The following NRIP2 variants were observed in gnomAD, a reference collection of about 807,000 sequenced individuals.
NRIP2 encodes the protein nuclear receptor-interacting protein 2.
NRIP2 carries 27 observed loss-of-function variants against 34.1 expected under a neutral mutation model. The observed-to-expected ratio is 0.79, with a 90% confidence interval of 0.58 to 1.09. The LOEUF (loss-of-function observed/expected upper bound fraction) is 1.09. NRIP2 is among the 50% of genes least tolerant of loss of function. The pLI is 0.00. For missense variants in NRIP2, 385 were observed against 352.6 expected (o/e 1.09, Z -0.74); for synonymous variants, 145 against 146.9 (o/e 0.99, Z 0.09).
intron 2 of NRIP2, among the ~76,000 whole-genome samples, chr12:2,829,118 C>T (rs368900046): frequency 1.3e-5 from 2 of 151,988 alleles, no homozygotes; most frequent in Admixed American, 6.5e-5. Context: ...AATGGAGAAA[C>T]GGTGATTTGT....
At chr12:2,834,610 G>T in intron 1 of NRIP2, 32 bp downstream of exon 1, 1 of 1,542,012 alleles carries the variant, frequency 6.5e-7, no homozygotes, top group Non-Finnish European at 8.7e-7. Context: ...AAAAGGCCAG[G>T]GGACGCTGGC....
At position 2,825,759 on chromosome 12, in the gene NRIP2, G is replaced by C. The variant is rs1376257826; in HGVS notation, c.*1448C>G. ...GTTAGCTGTACCACTGTCTTTCTCT[G>C]CTCCTTTTTTGTTTGTTTTTGGAGA... is the stretch of plus-strand genomic sequence containing the variant. On this transcript the variant is annotated 3_prime_UTR_variant, in exon 6 of 6. Transcript: ENST00000337508. 1 of 152,222 alleles carries C rather than the reference G, an allele frequency of 6.6e-6. No homozygotes were observed. The highest frequency in any genetic ancestry group is 1.9e-4 in the East Asian group (1 of 5,190). 9.4% of individuals were successfully genotyped at this position (152,222 alleles called of 1,614,324 possible).
rs199756500 is a variant in NRIP2 at position 2,828,035 on chromosome 12, C to T, written c.591G>A (p.Arg197=). Residue 197 remains arginine (R), a synonymous_variant, in exon 4 of 6, where the codon AGG becomes AGA. Transcript: ENST00000337508. ...GGTCCCCAGCTGAGGCTTTTAGGAC[C>T]CTTTTCTCTAACCTGTGGTTGGGAA... The part of the protein sequence containing the change: ...GCLSRLGLEK[R]VLKASAGDLA... 1.5e-5 allele frequency: 24 copies of T among 1,613,622 alleles called. No homozygotes were observed. The highest frequency in any genetic ancestry group is 1.9e-5 in the Non-Finnish European group (23 of 1,179,856).
Position 2,827,847 on chromosome 12 carries a change from G to A in NRIP2, c.700+79C>T, listed in dbSNP as rs4765998. The A allele has an allele frequency of 6.2e-7, 1 of 1,608,694 alleles. No homozygotes were observed. Among genetic ancestry groups the A allele is most frequent in the Non-Finnish European group, 8.5e-7 (1 of 1,178,250 alleles). On this transcript the variant is annotated intron_variant, in intron 4 of 5. Coordinates refer to ENST00000337508, the MANE Select transcript of NRIP2 (RefSeq NM_031474.3). This position sits in a 1 kb window ranked among gnomAD's most constrained non-coding sequence, Gnocchi z 4.0. Reference sequence around the variant, plus strand: ...CTGGGAACTCCTCGTGCTGCAGGGAGTGAAAGTCTCAGCCTTTGCCCCACC... The same window carrying A: ...CTGGGAACTCCTCGTGCTGCAGGGAATGAAAGTCTCAGCCTTTGCCCCACC...
At position 2,830,451 on chromosome 12, in the gene NRIP2, C is replaced by T. The variant is rs2097995641; in HGVS notation, c.495+257G>A. On this transcript the variant is annotated intron_variant, in intron 2 of 5. Coordinates refer to ENST00000337508, the MANE Select transcript of NRIP2 (RefSeq NM_031474.3). Reference sequence around the variant, plus strand: ...TCTGTGTAGAGCACACTGAGGAGTACTTACTTAATTTAAGTATTGTATTTT... The same window carrying T: ...TCTGTGTAGAGCACACTGAGGAGTATTTACTTAATTTAAGTATTGTATTTT... The T allele has an allele frequency of 1.7e-5, 7 of 414,410 alleles. 1 individual carries two copies. Among genetic ancestry groups the T allele is most frequent in the Non-Finnish European group, 2.6e-5 (6 of 232,832 alleles). 25.7% of individuals were successfully genotyped at this position (414,410 alleles called of 1,614,324 possible).
intron 1 of NRIP2, among the ~76,000 whole-genome samples, chr12:2,833,505 G>A (rs2098013475): frequency 6.6e-6 from 1 of 152,050 alleles, no homozygotes; most frequent in African/African-American, 2.4e-5. Flanking sequence ...GAAAGGCGAG[G>A]TGCTGCACTG....
chr12:2,831,005 GATA>G (rs1402477658), intron 1 of NRIP2, 145 bp from the exon 2 acceptor site: 5 of 685,200 alleles, frequency 7.3e-6, no homozygotes, highest in Non-Finnish European at 1.1e-5. Context: ...TAGGGTCCCA[GATA>G]ATGAGAGCAG....
chr12:2,827,943 C>T lies in NRIP2; in HGVS notation c.683G>A (p.Cys228Tyr), dbSNP rs1408580920. Residue 228 changes from cysteine (C) to tyrosine (Y), a missense_variant, in exon 4 of 6, where the codon TGC (cysteine) becomes TAC (tyrosine). By Grantham distance (194) the Cys-to-Tyr change is radical. Coordinates refer to ENST00000337508, the MANE Select transcript of NRIP2 (RefSeq NM_031474.3). This position sits in a 1 kb window ranked among gnomAD's most constrained non-coding sequence, Gnocchi z 4.0. ...ELQLGQETVV[C>Y]SAQVVDAESP... ...GGACTTACCCACCACCTGTGCCGAG[C>T]ACACCACAGTCTCCTGCCCCAGCTG... 6.2e-6 allele frequency: 10 copies of T among 1,614,062 alleles called. No homozygotes were observed. Among genetic ancestry groups the T allele is most frequent in the African/African-American group, 1.3e-5 (1 of 74,948 alleles).
In NRIP2 at chr12:2,834,642, C is replaced by T. The variant is rs926537345; in HGVS notation, c.342G>A (p.Leu114=). ...TGGCAGGGGAGGGGTGATGCCTCAC[C>T]AAGTCCTTGGAGGTGCCGAGCCTCT... is the stretch of plus-strand genomic sequence containing the variant. ...SLKRLGTSKD[L]QPRSVIQRRL... The change falls in exon 1 of 6, where the codon TTG becomes TTA. Residue 114 remains leucine (L), a splice_region_variant and synonymous_variant. Transcript: ENST00000337508. 31 of 1,585,070 alleles carry T rather than the reference C, an allele frequency of 2.0e-5. 1 individual carries two copies. The highest frequency in any genetic ancestry group is 7.7e-6 in the Non-Finnish European group (9 of 1,165,468).
rs745400319 is a variant in NRIP2, at chr12:2,827,933, C to T, written c.693G>A (p.Gln231=). ...GCAGAAGGGGGGACTTACCCACCAC[C>T]TGTGCCGAGCACACCACAGTCTCCT... ...LGQETVVCSA[Q]VVDAESPEFC... is the part of the protein sequence containing the mutation. Residue 231 remains glutamine, a synonymous_variant, in exon 4 of 6, where the codon CAG becomes CAA. Coordinates refer to ENST00000337508, the MANE Select transcript of NRIP2 (RefSeq NM_031474.3). The surrounding 1 kb of genome is among the most constrained non-coding windows in gnomAD (Gnocchi z 4.0). 7 of 1,614,010 alleles carry T rather than the reference C, an allele frequency of 4.3e-6. No individual in the cohort carries two copies. In the Admixed American group the frequency reaches 1.0e-4, roughly 23 times the overall value.
rs547965367 is a variant in NRIP2, at chr12:2,828,123, C to A, written c.579-76G>T. On this transcript the variant is annotated intron_variant, in intron 3 of 5. Transcript: ENST00000337508. ...ACCCCATTAATCAGCAGGTGTCCCTCTCTACTATGGTTTCATCTCCAACCC... is the reference window on the plus strand; with the variant it reads ...ACCCCATTAATCAGCAGGTGTCCCTATCTACTATGGTTTCATCTCCAACCC... 26 of 1,409,656 alleles carry A rather than the reference C, an allele frequency of 1.8e-5. No homozygotes were observed. In the South Asian group the frequency reaches 3.0e-4, roughly 17 times the overall value. The allele number at this position is 1,409,656 out of a possible 1,614,324, so 87.3% of individuals were successfully genotyped here. A position where few individuals can be genotyped will look rare whatever the true frequency, so the allele number is the denominator to read the frequency against.
intron 2 of NRIP2, 160 bp downstream of exon 2, chr12:2,830,548 G>A (rs1027297034): frequency 3.0e-6 from 2 of 670,602 alleles, no homozygotes; most frequent in Non-Finnish European, 4.9e-6. Flanking sequence ...CTTGGGGCAG[G>A]GAGGAAGGAG....
intron 2 of NRIP2, among the ~76,000 whole-genome samples, chr12:2,829,843 C>T (rs149926250): frequency 2.3e-3 from 285 of 122,746 alleles, no homozygotes; most frequent in Middle Eastern, 9.8e-3. Context: ...TTTGGGAGGC[C>T]GAGGTGGATG....
intron 1 of NRIP2, among the ~76,000 whole-genome samples, chr12:2,831,208 T>G (rs1280396353): frequency 6.8e-6 from 1 of 146,210 alleles, no homozygotes; most frequent in African/African-American, 2.6e-5. Flanking sequence ...ACTAGGAGGG[T>G]TTTTTTTTTC....
Position 2,826,977 on chromosome 12 carries a change from C to CAT in NRIP2, c.*229_*230insAT. On this transcript the variant is annotated 3_prime_UTR_variant, in exon 6 of 6. Coordinates refer to ENST00000337508, the MANE Select transcript of NRIP2 (RefSeq NM_031474.3). ...TCTTGGGAGGAAGATGAATCAGAATCCTGGCATCGTGGGCCCTCTAGTGAA... is the reference window on the plus strand; with the variant it reads ...TCTTGGGAGGAAGATGAATCAGAATCATCTGGCATCGTGGGCCCTCTAGTGAA... 1 of 1,356,664 alleles carries CAT rather than the reference C, an allele frequency of 7.4e-7. No individual in the cohort carries two copies. The highest frequency in any genetic ancestry group is 3.1e-5 in the East Asian group (1 of 32,736). The allele number at this position is 1,356,664 out of a possible 1,614,324, so 84.0% of individuals were successfully genotyped here.
intron 2 of NRIP2, among the ~76,000 whole-genome samples, chr12:2,828,688 C>G (rs2097983255): frequency 6.6e-6 from 1 of 151,982 alleles, no homozygotes; most frequent in African/African-American, 2.4e-5. Flanking sequence ...ACTAAAAATA[C>G]AAAATTAGCT....
chr12:2,834,892 CTG>C lies in NRIP2; in HGVS notation c.90_91del (p.Ser30ArgfsTer31), dbSNP rs765656341. The C allele has an allele frequency of 1.9e-6, 3 of 1,613,946 alleles. No homozygotes were observed. The African/African-American group carries it at 4.0e-5, about 22-fold the overall frequency. ...CGGTGGGGGCGTCACCGAGTCCTCT[CTG>C]CTTCTTCCTGCCTGTCTCTGTCCCG... On this transcript the variant is annotated frameshift_variant, in exon 1 of 6. Transcript: ENST00000337508. LOFTEE classifies it high-confidence loss of function.
intron 1 of NRIP2, among the ~76,000 whole-genome samples, chr12:2,832,732 G>A (rs1603484549): frequency 6.7e-6 from 1 of 148,854 alleles, no homozygotes; most frequent in Non-Finnish European, 1.5e-5. Flanking sequence ...TATATCCCAG[G>A]GCATGGCTCA....
chr12:2,827,326 G>A lies in NRIP2; in HGVS notation c.754-27C>T, dbSNP rs1372413408. 6.2e-7 allele frequency: 1 copy of A among 1,600,444 alleles called. No homozygotes were observed. Among genetic ancestry groups the A allele is most frequent in the African/African-American group, 1.3e-5 (1 of 74,422 alleles). ...TGCGGGGTGTAGAGCAGTCATGCCA[G>A]GTCACCTCAGCCCGCCACCTGCCTC... On this transcript the variant is annotated intron_variant, in intron 5 of 5. Coordinates refer to ENST00000337508, the MANE Select transcript of NRIP2 (RefSeq NM_031474.3). The surrounding 1 kb of genome is among the most constrained non-coding windows in gnomAD (Gnocchi z 4.0).
Sources: gnomAD v4.1 joint callset for allele counts (sites outside exome capture counted in the v4.1 genomes callset) on GRCh38, gnomAD v4.1.1 for gene constraint, Gnocchi (gnomAD v3.1) non-coding constraint, MANE v1.5 for transcripts, NCBI Gene and HGNC (gene_info 2026-07-23, HGNC 2026-07-21) for gene names.